The following RCBTB2 variants were observed in gnomAD, a reference collection of about 807,000 sequenced individuals.
RCBTB2 encodes the protein RCC1 and BTB domain-containing protein 2.
A neutral mutation model predicts 65.4 loss-of-function variants in RCBTB2; 55 were observed. The observed-to-expected ratio is 0.84, with a 90% CI of 0.68 to 1.05. The LOEUF (loss-of-function observed/expected upper bound fraction) is 1.05. Among genes scored for constraint, RCBTB2 ranks in the 50% least tolerant of loss-of-function variants. RCBTB2 has a pLI of 0.00. For synonymous variants in RCBTB2, 220 were observed against 255.2 expected, an observed-to-expected ratio of 0.86 and a Z score of 1.31; for missense variants, 599 against 680.1, an observed-to-expected ratio of 0.88 and a Z score of 1.33.
chr13:48,505,427 G>A (rs994649747), intron 10 of RCBTB2, among the ~76,000 whole-genome samples: 6 of 152,194 alleles, frequency 3.9e-5, no homozygotes, highest in Non-Finnish European at 7.3e-5. Flanking sequence ...GCAGGGTTAG[G>A]CCAGTCCCCT....
intron 2 of RCBTB2, among the ~76,000 whole-genome samples, chr13:48,523,048 C>G (rs1401762622): frequency 1.3e-5 from 2 of 152,118 alleles, no homozygotes; most frequent in Non-Finnish European, 2.9e-5. Flanking sequence ...GTATTACTTT[C>G]TAACATTTGG....
intron 13 of RCBTB2, among the ~76,000 whole-genome samples, chr13:48,496,828 G>A (rs1319252566): frequency 5.4e-5 from 7 of 130,512 alleles, no homozygotes; most frequent in African/African-American, 9.2e-5. Flanking sequence ...GAGGAGGGGA[G>A]GGGAGAGGAG....
rs1298559957 is a variant in RCBTB2 at position 48,522,417 on chromosome 13, A to AT, written c.-119-15_-119-14insA. ...TGATTTGCTAAGCTGGAAAAAAAAAAGGAGAAATGAATGAAAATGATGAAA... is the reference window on the plus strand; with the variant it reads ...TGATTTGCTAAGCTGGAAAAAAAAAATGGAGAAATGAATGAAAATGATGAAA... On this transcript the variant is annotated splice_polypyrimidine_tract_variant and intron_variant, in intron 2 of 14. Transcript: ENST00000344532. The AT allele has an allele frequency of 9.2e-7, 1 of 1,082,276 alleles. No homozygotes were observed. The highest frequency in any genetic ancestry group is 1.3e-6 in the Non-Finnish European group (1 of 745,356). 67.0% of individuals were successfully genotyped at this position (1,082,276 alleles called of 1,614,324 possible).
intron 11 of RCBTB2, among the ~76,000 whole-genome samples, chr13:48,502,164 T>TA (rs1243239990): frequency 3.6e-5 from 5 of 139,126 alleles, no homozygotes; most frequent in Non-Finnish European, 7.4e-5. Context: ...TAGTTAAAAG[T>TA]AAAAAACAGT....
rs1394449629 is a variant in RCBTB2, at chr13:48,520,461, C to A, written c.42+1437G>T. 1.2e-4 allele frequency among the ~76,000 whole-genome samples: 19 copies of A among 152,202 alleles called. No homozygotes were observed. The East Asian group carries it at 3.5e-3, about 28-fold the overall frequency. ...GTCCTGGTTTGGCACAGGTAACCTT[C>A]CTTACTGCAAATAACACTACTGCAG... is the stretch of plus-strand genomic sequence containing the variant. On this transcript the variant is annotated intron_variant, in intron 4 of 14. Transcript: ENST00000344532.
In RCBTB2 at chr13:48,524,442, G is replaced by C. The variant is rs9331953; in HGVS notation, c.-120+217C>G. On this transcript the variant is annotated intron_variant, in intron 2 of 14. Transcript: ENST00000344532. ...ATCCAAATGAAACAGGTTAATCATT[G>C]CCTCCATTTTATTCACACATTTCAG... Among the ~76,000 whole-genome samples the C allele has an allele frequency of 5.8e-3, 879 of 152,252 alleles. 6 individuals carry two copies. Among genetic ancestry groups the C allele is most frequent in the Middle Eastern group, 0.01 (3 of 294 alleles).
Position 48,526,939 on chromosome 13 carries a change from T to G in RCBTB2, c.-218-2182A>C, listed in dbSNP as rs543604727. ...TCAAAAAATAATAATAATAAATAGA[T>G]TTTTTTTAAATAGGAGGATTAAATA... On this transcript the variant is annotated intron_variant, in intron 1 of 14. Transcript: ENST00000344532. 4.0e-3 allele frequency among the ~76,000 whole-genome samples: 611 copies of G among 151,634 alleles called. 3 individuals carry two copies. Among genetic ancestry groups the G allele is most frequent in the African/African-American group, 0.014 (571 of 41,424 alleles).
chr13:48,530,694 C>G (rs148106047), intron 1 of RCBTB2, among the ~76,000 whole-genome samples: 26 of 152,352 alleles, frequency 1.7e-4, no homozygotes, highest in Non-Finnish European at 3.2e-4. Flanking sequence ...GTGGAGACAA[C>G]GTACAGTTTT....
chr13:48,532,736 C>T, intron 1 of RCBTB2: 1 of 299,460 alleles, frequency 3.3e-6, no homozygotes, highest in Non-Finnish European at 6.6e-6. Flanking sequence ...GCGCACCGGG[C>T]CCACGCCAGC....
chr13:48,501,887 T>C lies in RCBTB2; in HGVS notation c.1118-19A>G. 1 of 1,611,828 alleles carries C rather than the reference T, an allele frequency of 6.2e-7. No individual in the cohort carries two copies. The highest frequency in any genetic ancestry group is 8.5e-7 in the Non-Finnish European group (1 of 1,178,930). ...TCAGGTTCTAGGAGAATAATGCAAA[T>C]GCTTCCAGAGTTAGCTACAGACATA... is the stretch of plus-strand genomic sequence containing the variant. On this transcript the variant is annotated intron_variant, in intron 11 of 14. Coordinates refer to ENST00000344532, the MANE Select transcript of RCBTB2 (RefSeq NM_001268.4).
At chr13:48,518,496 T>TATATATATATATA (rs1951230668) in intron 4 of RCBTB2, among the ~76,000 whole-genome samples, 1 of 146,790 alleles carries the variant, frequency 6.8e-6, no homozygotes, top group African/African-American at 2.5e-5. Context: ...TATATATATA[T>TATATATATATATA]TTACCTCTTA....
intron 10 of RCBTB2, chr13:48,504,333 C>A: frequency 1.0e-6 from 1 of 985,414 alleles, no homozygotes; most frequent in South Asian, 4.7e-5. Flanking sequence ...ATAACTCCAT[C>A]CATGATTTGG....
chr13:48,490,232 A>G lies in RCBTB2; in HGVS notation c.1535T>C (p.Phe512Ser), dbSNP rs1406800009. Residue 512 changes from phenylalanine (F) to serine (S), a missense_variant, in exon 15 of 15, where the codon TTC (phenylalanine) becomes TCC (serine). Coordinates refer to ENST00000344532, the MANE Select transcript of RCBTB2 (RefSeq NM_001268.4). ...YDAQDLEEFCFRFCINHLTVV... is the reference protein window; with the variant it reads ...YDAQDLEEFCSRFCINHLTVV... The stretch of plus-strand genomic sequence containing the variant: ...AGTCAGATGGTTTATGCAAAACCTG[A>G]AGCAGAATTCTTCTAAATCCTAGGA... 6.2e-7 allele frequency: 1 copy of G among 1,613,456 alleles called. No individual in the cohort carries two copies. The highest frequency in any genetic ancestry group is 2.2e-5 in the East Asian group (1 of 44,870).
At chr13:48,514,703 T>C (rs1320089126) in intron 6 of RCBTB2, among the ~76,000 whole-genome samples, 1 of 152,246 alleles carries the variant, frequency 6.6e-6, no homozygotes, top group Non-Finnish European at 1.5e-5. Flanking sequence ...TACAAATCCA[T>C]GGTTACAACC....
chr13:48,514,323 A>C, intron 6 of RCBTB2, among the ~76,000 whole-genome samples: 1 of 152,232 alleles, frequency 6.6e-6, no homozygotes, highest in East Asian at 1.9e-4. Flanking sequence ...CCCAGCTGGG[A>C]TGGAGCAAGA....
chr13:48,509,241 C>T (rs1480642977), intron 10 of RCBTB2, among the ~76,000 whole-genome samples: 3 of 152,080 alleles, frequency 2.0e-5, no homozygotes, highest in African/African-American at 4.8e-5. Context: ...GTGGGAGGAT[C>T]GCCTGAGCTT....
intron 2 of RCBTB2, among the ~76,000 whole-genome samples, chr13:48,523,847 TC>T: frequency 6.6e-6 from 1 of 152,246 alleles, no homozygotes; most frequent in African/African-American, 2.4e-5. Flanking sequence ...AAAATTAAAC[TC>T]TTTAAAATTA....
At chr13:48,520,988 TTG>T (rs1374533571) in intron 4 of RCBTB2, among the ~76,000 whole-genome samples, 5 of 152,122 alleles carry the variant, frequency 3.3e-5, no homozygotes, top group Non-Finnish European at 7.4e-5. Flanking sequence ...TTATAACACT[TTG>T]TATATATATT....
chr13:48,501,929 G>A, intron 11 of RCBTB2, 61 bp from the exon 12 acceptor site: 1 of 1,496,148 alleles, frequency 6.7e-7, no homozygotes, highest in South Asian at 1.2e-5. Flanking sequence ...ACACAGGACA[G>A]GATATGGCAC....
Sources: allele counts gnomAD v4.1 joint callset (sites outside exome capture counted in the v4.1 genomes callset), GRCh38; gene constraint gnomAD v4.1.1; transcripts MANE v1.5; gene names NCBI Gene and HGNC (gene_info 2026-07-23, HGNC 2026-07-21).